The following DNM3 variants were observed in gnomAD, a reference collection of about 807,000 sequenced individuals.
DNM3 encodes the protein dynamin-3.
A neutral mutation model predicts 101.6 loss-of-function variants in DNM3; 47 were observed. That is an observed-to-expected ratio of 0.46 (90% CI 0.37 to 0.59). DNM3 has a LOEUF of 0.59. DNM3 is among the 20% of genes least tolerant of loss of function. DNM3 has a pLI of 0.00. For synonymous variants in DNM3, 385 were observed against 387.9 expected (o/e 0.99, Z 0.09); for missense variants, 849 against 1,085.7 (o/e 0.78, Z 3.06).
intron 17 of DNM3, among the ~76,000 whole-genome samples, chr1:172,360,778 C>T (rs1156833859): frequency 6.6e-6 from 1 of 151,986 alleles, no homozygotes; most frequent in African/African-American, 2.4e-5. Context: ...CCAATCTGTC[C>T]TCATCTTATA....
intron 15 of DNM3, among the ~76,000 whole-genome samples, chr1:172,284,159 C>G (rs1332966328): frequency 6.6e-6 from 1 of 152,174 alleles, no homozygotes; most frequent in African/African-American, 2.4e-5. Context: ...TTCTTTGAAA[C>G]AGCCATCTGG....
At chr1:172,164,015 TGTTAA>T (rs1171911187) in intron 14 of DNM3, among the ~76,000 whole-genome samples, 3 of 151,760 alleles carry the variant, frequency 2.0e-5, no homozygotes, top group Non-Finnish European at 2.9e-5. Flanking sequence ...TCCATTCATC[TGTTAA>T]GTTGTTTCCA....
intron 1 of DNM3, among the ~76,000 whole-genome samples, chr1:171,896,214 A>G (rs1484971469): frequency 3.9e-5 from 6 of 152,158 alleles, no homozygotes; most frequent in East Asian, 1.9e-4. Flanking sequence ...CATTGAATCT[A>G]TAAATTACCT....
At chr1:172,212,041 G>A (rs2060531512) in intron 14 of DNM3, among the ~76,000 whole-genome samples, 1 of 152,082 alleles carries the variant, frequency 6.6e-6, no homozygotes, top group South Asian at 2.1e-4. Flanking sequence ...TGAATTTGTA[G>A]CTAATAGGCA....
chr1:171,888,782 G>A (rs2037000210), intron 1 of DNM3, among the ~76,000 whole-genome samples: 1 of 151,992 alleles, frequency 6.6e-6, no homozygotes, highest in Non-Finnish European at 1.5e-5. Flanking sequence ...TTGGTCATAA[G>A]GTCTTAAAGA....
Position 172,150,596 on chromosome 1 carries a change from A to C in DNM3, c.1659+19308A>C, listed in dbSNP as rs571200407. ...GATATAATTTAATCCAGCAATCCTG[A>C]AAGGTAGGATCTCTCCATGGTTACA... On this transcript the variant is annotated intron_variant, in intron 14 of 20. Transcript: ENST00000627582. Among the ~76,000 whole-genome samples the C allele has an allele frequency of 1.1e-4, 16 of 152,316 alleles. No individual in the cohort carries two copies. In the East Asian group the frequency reaches 2.7e-3, roughly 26 times the overall value.
intron 1 of DNM3, among the ~76,000 whole-genome samples, chr1:171,860,470 T>C (rs1357511217): frequency 6.6e-6 from 1 of 152,150 alleles, no homozygotes; most frequent in Non-Finnish European, 1.5e-5. Flanking sequence ...ATTGAAAGGA[T>C]TATAAGTTGG....
intron 9 of DNM3, among the ~76,000 whole-genome samples, chr1:172,046,119 A>G (rs931370939): frequency 6.6e-6 from 1 of 152,156 alleles, no homozygotes; most frequent in South Asian, 2.1e-4. Flanking sequence ...TGTTTATTGC[A>G]GCACTATTCA....
At chr1:171,915,912 A>G (rs1447120574) in intron 1 of DNM3, among the ~76,000 whole-genome samples, 1 of 152,150 alleles carries the variant, frequency 6.6e-6, no homozygotes, top group East Asian at 1.9e-4. Flanking sequence ...GAGAGTCCAT[A>G]TTAATCACTT....
intron 11 of DNM3, among the ~76,000 whole-genome samples, chr1:172,073,143 T>C (rs928814084): frequency 2.0e-5 from 3 of 152,202 alleles, no homozygotes; most frequent in Non-Finnish European, 4.4e-5. Flanking sequence ...TAGGGTGCTA[T>C]ATAGATATAC....
chr1:171,980,286 G>A (rs1372261889), intron 2 of DNM3, among the ~76,000 whole-genome samples: 1 of 151,618 alleles, frequency 6.6e-6, no homozygotes, highest in Non-Finnish European at 1.5e-5. Flanking sequence ...AATTTGGAAT[G>A]ACTTGATGGG....
intron 14 of DNM3, among the ~76,000 whole-genome samples, chr1:172,188,427 T>C (rs1013777765): frequency 1.3e-5 from 2 of 152,084 alleles, no homozygotes; most frequent in Non-Finnish European, 2.9e-5. Context: ...ACCTGGGCTG[T>C]CATGACGAAA....
At chr1:172,178,773 G>A (rs72721151) in intron 14 of DNM3, among the ~76,000 whole-genome samples, 4,801 of 152,002 alleles carry the variant, frequency 0.032, 110 homozygotes, top group Non-Finnish European at 0.045. Context: ...TTGATTATTA[G>A]TTGATCATCA....
chr1:171,921,346 G>C (rs1386236899), intron 1 of DNM3, among the ~76,000 whole-genome samples: 3 of 152,026 alleles, frequency 2.0e-5, no homozygotes, highest in Non-Finnish European at 2.9e-5. Flanking sequence ...TTGATCTTGA[G>C]GCCAAAGAGC....
At chr1:172,339,948 A>T (rs189185456) in intron 17 of DNM3, among the ~76,000 whole-genome samples, 2 of 152,200 alleles carry the variant, frequency 1.3e-5, no homozygotes, top group African/African-American at 2.4e-5. Context: ...GTGTGGTGGG[A>T]CATATGCCTG....
intron 4 of DNM3, among the ~76,000 whole-genome samples, chr1:172,002,436 C>A (rs1338063386): frequency 6.6e-6 from 1 of 152,042 alleles, no homozygotes; most frequent in Non-Finnish European, 1.5e-5. Flanking sequence ...ATTCATTGTT[C>A]TTTTAAATTG....
intron 14 of DNM3, among the ~76,000 whole-genome samples, chr1:172,193,225 G>A (rs191382549): frequency 2.6e-5 from 4 of 152,146 alleles, no homozygotes; most frequent in Non-Finnish European, 1.5e-5. Context: ...AAGTGGGGGT[G>A]GATAAGCTTT....
At chr1:171,916,933 T>C (rs990519736) in intron 1 of DNM3, among the ~76,000 whole-genome samples, 2 of 152,238 alleles carry the variant, frequency 1.3e-5, no homozygotes, top group African/African-American at 4.8e-5. Context: ...TTCTGTGGAA[T>C]GCCTCCTACC....
chr1:172,116,195 T>C (rs1370453474), intron 13 of DNM3, among the ~76,000 whole-genome samples: 1 of 152,232 alleles, frequency 6.6e-6, no homozygotes, highest in South Asian at 2.1e-4. Context: ...CATACCTACA[T>C]GCATCTTCCC....
Sources: allele counts gnomAD v4.1 joint callset (sites outside exome capture counted in the v4.1 genomes callset), GRCh38; gene constraint gnomAD v4.1.1; transcripts MANE v1.5; gene names NCBI Gene and HGNC (gene_info 2026-07-23, HGNC 2026-07-21).